UNC80: variants seen among roughly 807,000 people sequenced by gnomAD.
The protein encoded by UNC80 is unc-80 subunit of NALCN channel complex, also known as protein unc-80 homolog.
Under a neutral mutation model 384.6 loss-of-function variants are expected in UNC80, and 164 were observed. That is an observed-to-expected ratio of 0.43 (90% CI 0.38 to 0.49). UNC80 has a LOEUF of 0.49. Among genes scored for constraint, UNC80 ranks in the 20% least tolerant of loss-of-function variants. UNC80 has a pLI of 0.00. For synonymous variants in UNC80, 1,486 were observed against 1,527.8 expected (o/e 0.97, Z 0.64); for missense variants, 3,330 against 4,143.0 (o/e 0.80, Z 5.39).
chr2:209,827,013 T>G (rs2080575595), intron 14 of UNC80, among the ~76,000 whole-genome samples: 1 of 152,164 alleles, frequency 6.6e-6, no homozygotes, highest in South Asian at 2.1e-4. Flanking sequence ...TATCCTTTTC[T>G]GTTTTGCTGT....
rs1265070982 is a variant in UNC80 at position 209,997,988 on chromosome 2, A to G, written c.*2393A>G. On this transcript the variant is annotated 3_prime_UTR_variant, in exon 65 of 65. Transcript: ENST00000673920. The stretch of plus-strand genomic sequence containing the variant: ...GGGGAAGATTAGAAAAAAGCTCAAG[A>G]TAAATGTTCAAAATATTATTAAGTA... The G allele has an allele frequency of 1.3e-5, 2 of 152,202 alleles. No individual in the cohort carries two copies. The highest frequency in any genetic ancestry group is 2.4e-5 in the African/African-American group (1 of 41,442). 9.4% of individuals were successfully genotyped at this position (152,202 alleles called of 1,614,324 possible).
At chr2:209,946,081 C>T in intron 47 of UNC80, 138 bp downstream of exon 47, 1 of 680,944 alleles carries the variant, frequency 1.5e-6, no homozygotes, top group Non-Finnish European at 2.5e-6. Context: ...TAAATTTAGG[C>T]CAGGTGTGGT....
At chr2:209,800,125 G>T (rs1305774730) in intron 7 of UNC80, among the ~76,000 whole-genome samples, 1 of 152,156 alleles carries the variant, frequency 6.6e-6, no homozygotes, top group East Asian at 1.9e-4. Flanking sequence ...GTTTGGAATA[G>T]TTTCAGAAGG....
chr2:209,971,231 T>TG, intron 54 of UNC80, among the ~76,000 whole-genome samples: 1 of 152,304 alleles, frequency 6.6e-6, no homozygotes, highest in East Asian at 1.9e-4. Flanking sequence ...TGCAAAATAA[T>TG]GGTTCACAGA....
chr2:209,897,694 C>T (rs931808749), intron 28 of UNC80, among the ~76,000 whole-genome samples: 1 of 152,318 alleles, frequency 6.6e-6, no homozygotes, highest in East Asian at 1.9e-4. Context: ...GTCTGTTTCT[C>T]CATTTATTAG....
intron 4 of UNC80, among the ~76,000 whole-genome samples, chr2:209,778,436 C>G (rs2076983824): frequency 6.6e-6 from 1 of 152,208 alleles, no homozygotes; most frequent in Non-Finnish European, 1.5e-5. Context: ...TTTTTATGTT[C>G]TATGGACTTT....
chr2:209,798,846 T>TTA (rs1030135607), intron 7 of UNC80, among the ~76,000 whole-genome samples: 1 of 142,242 alleles, frequency 7.0e-6, no homozygotes, highest in African/African-American at 2.6e-5. Flanking sequence ...CCTGGCTAAT[T>TTA]TTTTTTTTTT....
chr2:209,988,305 A>G (rs1243961236), intron 61 of UNC80, among the ~76,000 whole-genome samples: 1 of 152,138 alleles, frequency 6.6e-6, no homozygotes, highest in South Asian at 2.1e-4. Flanking sequence ...AACCAAAAGC[A>G]CAGATAAAAG....
intron 47 of UNC80, among the ~76,000 whole-genome samples, chr2:209,950,655 T>C (rs1187854584): frequency 2.0e-5 from 3 of 151,410 alleles, no homozygotes; most frequent in African/African-American, 7.3e-5. Flanking sequence ...ACCTCCCGGA[T>C]TCAAGCGATT....
chr2:209,930,212 T>A (rs1483463238), intron 37 of UNC80, among the ~76,000 whole-genome samples: 1 of 152,140 alleles, frequency 6.6e-6, no homozygotes, highest in Non-Finnish European at 1.5e-5. Context: ...CCTAAAATAC[T>A]GCAAGATTAA....
At chr2:209,912,348 C>T (rs2089042815) in intron 29 of UNC80, among the ~76,000 whole-genome samples, 1 of 152,272 alleles carries the variant, frequency 6.6e-6, no homozygotes, top group Non-Finnish European at 1.5e-5. Context: ...GAATTCATTA[C>T]TCAATATCTC....
At chr2:209,978,904 G>A (rs983669331) in intron 59 of UNC80, among the ~76,000 whole-genome samples, 196 bp downstream of exon 59, 1 of 152,066 alleles carries the variant, frequency 6.6e-6, no homozygotes, top group African/African-American at 2.4e-5. Context: ...ATACCCTTTG[G>A]TCATTTAAAA....
intron 54 of UNC80, among the ~76,000 whole-genome samples, chr2:209,971,955 A>G (rs971940172): frequency 3.3e-5 from 5 of 152,212 alleles, no homozygotes; most frequent in Non-Finnish European, 1.5e-5. Context: ...GACCATAAGT[A>G]TTCTAATTTT....
At chr2:209,812,600 G>C (rs1473557760) in intron 7 of UNC80, among the ~76,000 whole-genome samples, 2 of 152,138 alleles carry the variant, frequency 1.3e-5, no homozygotes, top group Non-Finnish European at 2.9e-5. Context: ...ACCTAAATCA[G>C]AAGGAAATTG....
chr2:209,922,253 A>G lies in UNC80; in HGVS notation c.5532A>G (p.Val1844=), dbSNP rs1357687609. The change falls in exon 35 of 65, where the codon GTA becomes GTG. Residue 1844 remains valine, a splice_region_variant and synonymous_variant. Transcript: ENST00000673920. ...CACATTCCCCATTTTGTTTGCCAGT[A>G]GAAGAAGTCACCAATCTGGCATCCC... is the stretch of plus-strand genomic sequence containing the variant. ...CTPNSEPEEE[V]EEVTNLASRR... is the part of the protein sequence containing the mutation. The G allele has an allele frequency of 6.4e-7, 1 of 1,552,030 alleles. No homozygotes were observed. Among genetic ancestry groups the G allele is most frequent in the African/African-American group, 1.4e-5 (1 of 73,036 alleles).
intron 45 of UNC80, 39 bp from the exon 46 acceptor site, chr2:209,945,012 G>C (rs1461067314): frequency 6.5e-7 from 1 of 1,547,776 alleles, no homozygotes; most frequent in African/African-American, 1.4e-5. Flanking sequence ...GTTTTACTGT[G>C]GTGGGAGTCA....
At chr2:209,826,182 T>G in intron 14 of UNC80, 129 bp downstream of exon 14, 1 of 1,132,692 alleles carries the variant, frequency 8.8e-7, no homozygotes, top group Non-Finnish European at 1.2e-6. Context: ...ATTAATGCTG[T>G]TTTGGTGTGA....
intron 23 of UNC80, among the ~76,000 whole-genome samples, chr2:209,873,780 A>G (rs1033649668): frequency 2.0e-5 from 3 of 152,172 alleles, no homozygotes; most frequent in Admixed American, 1.3e-4. Context: ...GTGTCTACCA[A>G]TGTGCTTACC....
At chr2:209,957,509 T>A (rs1278253522) in intron 48 of UNC80, 135 bp from the exon 49 acceptor site, 1 of 706,644 alleles carries the variant, frequency 1.4e-6, no homozygotes, top group Non-Finnish European at 2.3e-6. Context: ...AGCCCAAAGC[T>A]AGACAGCCTG....
Sources: gnomAD v4.1 joint callset for allele counts (sites outside exome capture counted in the v4.1 genomes callset) on GRCh38, gnomAD v4.1.1 for gene constraint, MANE v1.5 for transcripts, NCBI Gene and HGNC (gene_info 2026-07-23, HGNC 2026-07-21) for gene names.